The following PCDHA1 variants were observed in gnomAD, a reference collection of about 807,000 sequenced individuals.
PCDHA1 encodes protocadherin alpha 1, also known as protocadherin alpha-1.
Under a neutral mutation model 61.3 loss-of-function variants are expected in PCDHA1, and 42 were observed. That is an observed-to-expected ratio of 0.69 (90% CI 0.54 to 0.89). The LOEUF is 0.89. PCDHA1 is among the 40% of genes least tolerant of loss of function. The pLI is 0.00. For missense variants in PCDHA1, 1,256 were observed against 1,235.3 expected (o/e 1.02, Z -0.25); for synonymous variants, 610 against 553.8 (o/e 1.10, Z -1.43).
At chr5:140,836,530 T>A (rs2150263016) in intron 1 of PCDHA1, 18 of 1,613,716 alleles carry the variant, frequency 1.1e-5, no homozygotes, top group African/African-American at 4.0e-5. Flanking sequence ...CTTACCCTGC[T>A]GCTGTACACG....
chr5:140,848,894 C>G (rs1562450529), intron 1 of PCDHA1: 3 of 1,604,178 alleles, frequency 1.9e-6, no homozygotes, highest in Non-Finnish European at 2.6e-6. Context: ...CTCCAGTGTT[C>G]CCAGCGACAC....
chr5:140,842,992 C>A, intron 1 of PCDHA1: 1 of 1,594,970 alleles, frequency 6.3e-7, no homozygotes, highest in Non-Finnish European at 8.6e-7. Flanking sequence ...TCGTGCTGGA[C>A]GAGAATGACA....
In PCDHA1 at chr5:140,849,670, A is replaced by G. The variant is rs2150444272; in HGVS notation, c.2394+60986A>G. On this transcript the variant is annotated intron_variant, in intron 1 of 3. Coordinates refer to ENST00000504120, the MANE Select transcript of PCDHA1 (RefSeq NM_018900.4). The stretch of plus-strand genomic sequence containing the variant: ...CAGGTTACCTGCTCCCTGACGCCCC[A>G]CGTCCCCTTCAAGCTGGTGTCCACC... The G allele has an allele frequency of 1.7e-5, 27 of 1,598,602 alleles. 2 individuals carry two copies. The highest frequency in any genetic ancestry group is 9.9e-5 in the South Asian group (9 of 90,546).
chr5:140,934,490 C>T (rs189772593), intron 1 of PCDHA1, among the ~76,000 whole-genome samples: 35 of 152,244 alleles, frequency 2.3e-4, no homozygotes, highest in Admixed American at 1.4e-3. Context: ...ATATTCACCT[C>T]ATAAACACCC....
chr5:140,828,926 T>C (rs2150160859), intron 1 of PCDHA1: 9 of 1,614,260 alleles, frequency 5.6e-6, no homozygotes, highest in African/African-American at 5.3e-5. Context: ...GGCAATTTCA[T>C]ATTCTTTTAA....
intron 1 of PCDHA1, among the ~76,000 whole-genome samples, chr5:140,923,261 A>C (rs570487869): frequency 6.6e-6 from 1 of 152,322 alleles, no homozygotes; most frequent in East Asian, 1.9e-4. Flanking sequence ...CAACATAGTG[A>C]GACCTTGTCT....
At chr5:140,883,507 G>A (rs782325165) in intron 1 of PCDHA1, 2 of 1,614,200 alleles carry the variant, frequency 1.2e-6, no homozygotes, top group Admixed American at 1.7e-5. Context: ...ACAGCGCCCT[G>A]GACCGCGAGA....
intron 1 of PCDHA1, among the ~76,000 whole-genome samples, chr5:140,846,531 T>C (rs1780536785): frequency 6.7e-6 from 1 of 148,410 alleles, no homozygotes; most frequent in African/African-American, 2.5e-5. Flanking sequence ...CATGCCACCA[T>C]GCCCTGCTAA....
intron 1 of PCDHA1, chr5:140,808,072 A>G: frequency 6.2e-7 from 1 of 1,613,954 alleles, no homozygotes; most frequent in Non-Finnish European, 8.5e-7. Context: ...AGTTTCACAT[A>G]GATCCAATTA....
intron 1 of PCDHA1, chr5:140,856,458 A>C: frequency 9.4e-6 from 15 of 1,598,416 alleles, no homozygotes; most frequent in Non-Finnish European, 1.3e-5. Flanking sequence ...GTAACAGAAC[A>C]AAAGCTCTCA....
intron 1 of PCDHA1, chr5:140,823,902 G>T (rs915355375): frequency 3.7e-6 from 6 of 1,614,050 alleles, no homozygotes; most frequent in Non-Finnish European, 5.1e-6. Context: ...TGTCCAGCCT[G>T]CTGGTGCTCA....
At chr5:140,869,044 C>T (rs2050811433) in intron 1 of PCDHA1, 1 of 1,530,006 alleles carries the variant, frequency 6.5e-7, no homozygotes, top group Non-Finnish European at 8.8e-7. Flanking sequence ...TAACCTGAAA[C>T]TGAAGAATCT....
Position 140,848,453 on chromosome 5 carries a change from T to C in PCDHA1, c.2394+59769T>C. On this transcript the variant is annotated intron_variant, in intron 1 of 3. Transcript: ENST00000504120. ...CGAAATCAGATGATTTCTTCTAATT[T>C]GGAGGCAATTTTCACTAATTAGAAG... is the stretch of plus-strand genomic sequence containing the variant. 2.0e-6 allele frequency: 3 copies of C among 1,519,952 alleles called. 1 individual carries two copies. Among genetic ancestry groups the C allele is most frequent in the Non-Finnish European group, 2.7e-6 (3 of 1,116,942 alleles). The allele number at this position is 1,519,952 out of a possible 1,614,324, so 94.2% of individuals were successfully genotyped here. A position where few individuals can be genotyped will look rare whatever the true frequency, so the allele number is the denominator to read the frequency against.
chr5:140,802,592 G>A lies in PCDHA1; in HGVS notation c.2394+13908G>A, dbSNP rs781901729. On this transcript the variant is annotated intron_variant, in intron 1 of 3. Coordinates refer to ENST00000504120, the MANE Select transcript of PCDHA1 (RefSeq NM_018900.4). Reference sequence around the variant, plus strand: ...AGTCCGAGTACACGGTGTTCGTGAAGGAGAACAACCCGCCGGGCTGCCACA... The same window carrying A: ...AGTCCGAGTACACGGTGTTCGTGAAAGAGAACAACCCGCCGGGCTGCCACA... 6 of 1,613,922 alleles carry A rather than the reference G, an allele frequency of 3.7e-6. No homozygotes were observed. The South Asian group carries it at 4.4e-5, about 12-fold the overall frequency.
At chr5:140,836,443 C>A (rs1774486364) in intron 1 of PCDHA1, 5 of 1,613,726 alleles carry the variant, frequency 3.1e-6, no homozygotes, top group African/African-American at 1.3e-5. Flanking sequence ...TTGGGCATTG[C>A]AGGCCCAGAG....
intron 1 of PCDHA1, among the ~76,000 whole-genome samples, chr5:140,952,668 T>C (rs960968372): frequency 6.6e-6 from 1 of 152,234 alleles, no homozygotes. Context: ...CAAAGTCACT[T>C]TCACATTTTC....
intron 1 of PCDHA1, chr5:140,870,786 G>T: frequency 6.2e-7 from 1 of 1,613,634 alleles, no homozygotes; most frequent in East Asian, 2.2e-5. Context: ...ACGACAACGC[G>T]CCGGCACTGC....
At chr5:140,801,809 C>T in intron 1 of PCDHA1, 1 of 1,613,994 alleles carries the variant, frequency 6.2e-7, no homozygotes, top group Non-Finnish European at 8.5e-7. Context: ...ATCGAGAGGA[C>T]ACTCCTAAGC....
At position 140,969,194 on chromosome 5, in the gene PCDHA1, A is replaced by G. The variant is rs782262250; in HGVS notation, c.2395-9755A>G. On this transcript the variant is annotated intron_variant, in intron 1 of 3. Coordinates refer to ENST00000504120, the MANE Select transcript of PCDHA1 (RefSeq NM_018900.4). ...AGGGAGTGACACTTTCATGTTTTAC[A>G]ATACAGGGGCCCAGACAGGACCAGG... 1.8e-5 allele frequency: 29 copies of G among 1,614,026 alleles called. No homozygotes were observed. The highest frequency in any genetic ancestry group is 2.3e-5 in the Non-Finnish European group (27 of 1,180,018).
Sources: gnomAD v4.1 joint callset for allele counts (sites outside exome capture counted in the v4.1 genomes callset) on GRCh38, gnomAD v4.1.1 for gene constraint, MANE v1.5 for transcripts, NCBI Gene and HGNC (gene_info 2026-07-23, HGNC 2026-07-21) for gene names.